PPIG: variants seen among roughly 807,000 people sequenced by gnomAD.
The protein encoded by PPIG is peptidylprolyl isomerase G.
Under a neutral mutation model 87.9 loss-of-function variants are expected in PPIG, and 26 were observed. The ratio of observed to expected loss-of-function variants is 0.30; its 90% CI spans 0.22 to 0.41. The LOEUF (loss-of-function observed/expected upper bound fraction) is 0.41. Ranked by LOEUF, PPIG falls within the 10% of genes least tolerant of loss-of-function variation. The pLI, the probability that PPIG is intolerant of heterozygous loss-of-function variation, is 1.00. For missense variants in PPIG, 722 were observed against 879.4 expected (o/e 0.82, Z 2.26); for synonymous variants, 308 against 276.5 (o/e 1.11, Z -1.13).
intron 7 of PPIG, 143 bp from the exon 8 acceptor site, chr2:169,614,321 A>G (rs1685560604): frequency 1.1e-5 from 8 of 727,802 alleles, no homozygotes; most frequent in Non-Finnish European, 1.9e-5. Flanking sequence ...AGATTGAGGT[A>G]ATATGATTAT....
Position 169,593,238 on chromosome 2 carries a change from A to G in PPIG, c.-70+8748A>G, listed in dbSNP as rs531630867. Among the ~76,000 whole-genome samples, 3 of 152,070 alleles carry G rather than the reference A, an allele frequency of 2.0e-5. No homozygotes were observed. The South Asian group carries it at 6.2e-4, about 32-fold the overall frequency. On this transcript the variant is annotated intron_variant, in intron 1 of 13. Coordinates refer to ENST00000260970, the MANE Select transcript of PPIG (RefSeq NM_004792.3). The stretch of plus-strand genomic sequence containing the variant: ...AGACAGAGTCTTGCTCTTGTCGTCC[A>G]GGGTGGAGTGCAATGGCACAATCTC...
At position 169,638,394 on chromosome 2, in the gene PPIG, G is replaced by A. The variant is rs942080974; in HGVS notation, c.*871G>A. 6.6e-6 allele frequency: 1 copy of A among 151,146 alleles called. No homozygotes were observed. Among genetic ancestry groups the A allele is most frequent in the Non-Finnish European group, 1.5e-5 (1 of 67,794 alleles). The allele number at this position is 151,146 out of a possible 1,614,324, so 9.4% of individuals were successfully genotyped here. The stretch of plus-strand genomic sequence containing the variant: ...ACATACCATTTGTGCAGGTCCTTAA[G>A]CTATACAGATTCTAAAAATTGTTAG... On this transcript the variant is annotated 3_prime_UTR_variant, in exon 14 of 14. Transcript: ENST00000260970.
rs1409159363 is a variant in PPIG at position 169,636,526 on chromosome 2, A to G, written c.1268A>G (p.Glu423Gly). The part of the protein sequence containing the change: ...SESPNRKNEK[E>G]KKVKDHKSNS... ...AGTCCAAACAGAAAAAATGAAAAGGAGAAGAAAGTTAAAGACCATAAATCT... is the reference window on the plus strand; with the variant it reads ...AGTCCAAACAGAAAAAATGAAAAGGGGAAGAAAGTTAAAGACCATAAATCT... The change falls in exon 14 of 14, where the codon GAG (glutamate) becomes GGG (glycine). Residue 423 changes from glutamate to glycine, a missense_variant. Physicochemically the swap from Glu to Gly is moderately conservative, Grantham distance 98 (BLOSUM62 -2). Coordinates refer to ENST00000260970, the MANE Select transcript of PPIG (RefSeq NM_004792.3). 6.2e-7 allele frequency: 1 copy of G among 1,610,274 alleles called. No homozygotes were observed.
At position 169,604,100 on chromosome 2, in the gene PPIG, C is replaced by A. The variant is rs1262986320; in HGVS notation, c.59C>A (p.Pro20His). ...TTTGACATTGCCATTAACAATCAAC[C>A]TGGTAAGAATATTAGTTGACATTTA... is the stretch of plus-strand genomic sequence containing the variant. ...CFFDIAINNQPAGRVVFELFS... is the reference protein window; with the variant it reads ...CFFDIAINNQHAGRVVFELFS... The change falls in exon 3 of 14, where the codon CCT (proline) becomes CAT (histidine). Residue 20 changes from proline to histidine, a missense_variant and splice_region_variant. Pro to His is a moderately conservative substitution (Grantham distance 77). Coordinates refer to ENST00000260970, the MANE Select transcript of PPIG (RefSeq NM_004792.3). 1.9e-6 allele frequency: 3 copies of A among 1,612,782 alleles called. No individual in the cohort carries two copies. Among genetic ancestry groups the A allele is most frequent in the Non-Finnish European group, 2.5e-6 (3 of 1,179,018 alleles).
chr2:169,598,575 G>A (rs1685086698), intron 1 of PPIG, among the ~76,000 whole-genome samples: 1 of 152,128 alleles, frequency 6.6e-6, no homozygotes, highest in Non-Finnish European at 1.5e-5. Context: ...ACAGGCATGA[G>A]CCACCGCGCC....
At position 169,608,447 on chromosome 2, in the gene PPIG, G is replaced by A. The variant is rs559349831; in HGVS notation, c.290-224G>A. ...GAGCTTAACAGTGAGCCGAGATTGGGCCACTGCACTCCAGCCTGGGCAACA... is the reference window on the plus strand; with the variant it reads ...GAGCTTAACAGTGAGCCGAGATTGGACCACTGCACTCCAGCCTGGGCAACA... On this transcript the variant is annotated intron_variant, in intron 6 of 13. Transcript: ENST00000260970. 3.3e-5 allele frequency among the ~76,000 whole-genome samples: 5 copies of A among 151,286 alleles called. No homozygotes were observed. In the South Asian group the frequency reaches 8.4e-4, roughly 25 times the overall value.
intron 1 of PPIG, among the ~76,000 whole-genome samples, chr2:169,598,801 ATAAATATTTATATTTATATAAATACAGG>A (rs1002663945): frequency 2.5e-5 from 3 of 121,594 alleles, no homozygotes; most frequent in African/African-American, 9.6e-5. Flanking sequence ...TCAAAGTATT[ATAAATATTTATATTTATATAAATACAGG>A]TAAATATTTA....
chr2:169,619,113 A>C (rs1685677461), intron 9 of PPIG, among the ~76,000 whole-genome samples: 1 of 149,576 alleles, frequency 6.7e-6, no homozygotes, highest in African/African-American at 2.4e-5. Context: ...AACTTAAAAT[A>C]ATTTCGTTAT....
chr2:169,613,868 G>A (rs541098464), intron 7 of PPIG, among the ~76,000 whole-genome samples: 2 of 152,318 alleles, frequency 1.3e-5, no homozygotes, highest in African/African-American at 4.8e-5. Context: ...TCAGGATGCA[G>A]TGAACCAAGG....
intron 9 of PPIG, among the ~76,000 whole-genome samples, chr2:169,623,955 C>T (rs75821709): frequency 0.1 from 15,217 of 152,030 alleles, 968 homozygotes; most frequent in Middle Eastern, 0.19. Context: ...ATAAAATATT[C>T]TGGAGTTATT....
chr2:169,613,904 C>G (rs1323650586), intron 7 of PPIG, among the ~76,000 whole-genome samples: 1 of 152,084 alleles, frequency 6.6e-6, no homozygotes, highest in East Asian at 1.9e-4. Flanking sequence ...GCAGCCTGGA[C>G]AACAGCATGA....
At chr2:169,606,782 A>G (rs993607809) in intron 5 of PPIG, among the ~76,000 whole-genome samples, 3 of 152,066 alleles carry the variant, frequency 2.0e-5, no homozygotes, top group Non-Finnish European at 4.4e-5. Flanking sequence ...TATTGTAAAA[A>G]TATCAAAACT....
At chr2:169,626,999 C>G (rs1055701954) in intron 9 of PPIG, among the ~76,000 whole-genome samples, 4 of 151,836 alleles carry the variant, frequency 2.6e-5, no homozygotes, top group Admixed American at 1.3e-4. Context: ...TGTGAGCCAC[C>G]ACCATGCCTG....
chr2:169,614,379 A>G, intron 7 of PPIG, 85 bp from the exon 8 acceptor site: 1 of 1,223,032 alleles, frequency 8.2e-7, no homozygotes, highest in Non-Finnish European at 1.2e-6. Flanking sequence ...TTTCCAATAC[A>G]GTTATTTTCT....
intron 12 of PPIG, 111 bp from the exon 13 acceptor site, chr2:169,635,981 A>G (rs1574467046): frequency 1.8e-6 from 1 of 562,952 alleles, no homozygotes. Context: ...TTTATTTTGT[A>G]CCCCTTACTA....
intron 9 of PPIG, among the ~76,000 whole-genome samples, chr2:169,629,535 A>C (rs1239440794): frequency 1.3e-5 from 2 of 152,210 alleles, no homozygotes; most frequent in Non-Finnish European, 2.9e-5. Context: ...TGTTTCCTTG[A>C]AATGTATTTC....
At position 169,598,381 on chromosome 2, in the gene PPIG, C is replaced by T. The variant is rs35350063; in HGVS notation, c.-69-5261C>T. On this transcript the variant is annotated intron_variant, in intron 1 of 13. Transcript: ENST00000260970. ...TCTTGGCCCACTGCAAGCTCTGCCT[C>T]CCGGGTTCACACCTTTCTCCTGCCT... Among the ~76,000 whole-genome samples, 1,087 of 152,176 alleles carry T rather than the reference C, an allele frequency of 7.1e-3. 8 individuals carry two copies. The highest frequency in any genetic ancestry group is 0.012 in the Non-Finnish European group (842 of 68,006).
intron 1 of PPIG, among the ~76,000 whole-genome samples, chr2:169,598,814 T>C (rs2683429): frequency 0.4 from 59,501 of 147,992 alleles, 12,632 homozygotes; most frequent in East Asian, 0.58. Flanking sequence ...AATATTTATA[T>C]TTATATAAAT....
intron 1 of PPIG, among the ~76,000 whole-genome samples, chr2:169,593,130 A>G (rs114097331): frequency 0.4 from 61,030 of 151,376 alleles, 12,890 homozygotes; most frequent in East Asian, 0.58. Flanking sequence ...GTGTGTGTAT[A>G]TATATATATA....
Sources: allele counts gnomAD v4.1 joint callset (sites outside exome capture counted in the v4.1 genomes callset), GRCh38; gene constraint gnomAD v4.1.1; transcripts MANE v1.5; gene names NCBI Gene and HGNC (gene_info 2026-07-23, HGNC 2026-07-21).